ZNF44: variants seen among roughly 807,000 people sequenced by gnomAD.
ZNF44 encodes the protein zinc finger protein 44, also known as gonadotropin inducible transcription repressor-2.
A neutral mutation model predicts 11.7 loss-of-function variants in ZNF44; 9 were observed. That is an observed-to-expected ratio of 0.77 (90% confidence interval 0.46 to 1.35). The LOEUF (loss-of-function observed/expected upper bound fraction) is 1.35. ZNF44 is among the 40% of genes most tolerant of loss of function. ZNF44 has a pLI of 0.00. For missense variants in ZNF44, 696 were observed against 743.1 expected (o/e 0.94, Z 0.74); for synonymous variants, 224 against 242.7 (o/e 0.92, Z 0.72).
At chr19:12,277,679 C>T (rs1967291006) in intron 1 of ZNF44, among the ~76,000 whole-genome samples, 1 of 152,182 alleles carries the variant, frequency 6.6e-6, no homozygotes, top group South Asian at 2.1e-4. Flanking sequence ...TTTCTTTGGC[C>T]CCATCTCTGC....
chr19:12,265,438 T>C (rs1917692370), intron 5 of ZNF44, among the ~76,000 whole-genome samples: 1 of 152,140 alleles, frequency 6.6e-6, no homozygotes, highest in Non-Finnish European at 1.5e-5. Context: ...TTCCAGAAAT[T>C]CACCTTTCTT....
intron 5 of ZNF44, chr19:12,260,081 T>G: frequency 1.7e-6 from 1 of 577,466 alleles, no homozygotes; most frequent in Non-Finnish European, 3.3e-6. Flanking sequence ...AACTTCACTA[T>G]AAATACACAG....
chr19:12,242,335 CCT>C (rs1916645206), upstream of ZNF44, among the ~76,000 whole-genome samples: 1 of 151,350 alleles, frequency 6.6e-6, no homozygotes, highest in Non-Finnish European at 1.5e-5. Flanking sequence ...ACAGTGAAAC[CCT>C]GTCTCTACTA....
intron 5 of ZNF44, among the ~76,000 whole-genome samples, chr19:12,265,229 G>C (rs367617779): frequency 1.5e-4 from 23 of 151,958 alleles, no homozygotes; most frequent in African/African-American, 5.3e-4. Context: ...AACATAAAGA[G>C]GCACGCTCTC....
intron 5 of ZNF44, chr19:12,266,227 AG>A: frequency 1.1e-5 from 11 of 984,572 alleles, no homozygotes; most frequent in Non-Finnish European, 1.2e-5. Context: ...AGCCGGTCCC[AG>A]CCAGCCCCTC....
chr19:12,274,000 G>T lies in ZNF44; in HGVS notation c.255C>A (p.Ser85Arg), dbSNP rs1235719428. ...TGTTTACAATACTATTTCGAATCTG[G>T]CTTAAGGTTTCTCCACACTGACTAC... Reference protein sequence around the residue: ...KDGSQCGETLSQIRNSIVNKN... With the variant: ...KDGSQCGETLRQIRNSIVNKN... Residue 85 changes from serine to arginine, a missense_variant, in exon 4 of 4, where the codon AGC becomes AGA. By Grantham distance (110) the Ser-to-Arg change is moderately radical (BLOSUM62 -1). Coordinates refer to ENST00000355684, the MANE Select transcript of ZNF44 (RefSeq NM_016264.4). 6.2e-7 allele frequency: 1 copy of T among 1,613,834 alleles called. No homozygotes were observed. The highest frequency in any genetic ancestry group is 8.5e-7 in the Non-Finnish European group (1 of 1,179,904).
intron 5 of ZNF44, among the ~76,000 whole-genome samples, chr19:12,253,701 C>T (rs949642578): frequency 2.6e-5 from 4 of 151,912 alleles, no homozygotes; most frequent in African/African-American, 4.8e-5. Context: ...AAGGACAGGC[C>T]GAGTACAGTG....
At chr19:12,248,896 C>CTTT (rs372194020) in intron 7 of ZNF44, among the ~76,000 whole-genome samples, 1 of 138,642 alleles carries the variant, frequency 7.2e-6, no homozygotes, top group Non-Finnish European at 1.6e-5. Context: ...ATGGGTTTCT[C>CTTT]TTTTTTTTTT....
intron 5 of ZNF44, among the ~76,000 whole-genome samples, chr19:12,255,238 G>A (rs1337987082): frequency 6.6e-6 from 1 of 152,090 alleles, no homozygotes; most frequent in East Asian, 1.9e-4. Context: ...CTAAGCATGT[G>A]CTTTAGGAAA....
chr19:12,252,529 A>C (rs905836957), intron 5 of ZNF44, among the ~76,000 whole-genome samples: 1 of 152,224 alleles, frequency 6.6e-6, no homozygotes, highest in African/African-American at 2.4e-5. Context: ...GACAGATAAC[A>C]GGTTGTTCAA....
downstream of ZNF44, among the ~76,000 whole-genome samples, chr19:12,267,459 G>T (rs1039572766): frequency 6.6e-6 from 1 of 152,088 alleles, no homozygotes; most frequent in Non-Finnish European, 1.5e-5. Flanking sequence ...GAATAAAAAC[G>T]GAAGAAAAGG....
rs1231474138 is a variant in ZNF44, at chr19:12,273,487, C to T, written c.768G>A (p.Lys256=). 9 of 1,613,646 alleles carry T rather than the reference C, an allele frequency of 5.6e-6. No homozygotes were observed. The highest frequency in any genetic ancestry group is 6.8e-6 in the Non-Finnish European group (8 of 1,179,994). Residue 256 remains lysine (K), a synonymous_variant, in exon 4 of 4, where the codon AAG becomes AAA. Transcript: ENST00000355684. ...IHTGEKPYEC[K]QCSKAFPDYS... is the part of the protein sequence containing the mutation. The stretch of plus-strand genomic sequence containing the variant: ...AATCAGGGAAGGCTTTAGAACACTG[C>T]TTACATTCATACGGTTTCTCCCCAG...
intron 3 of ZNF44, among the ~76,000 whole-genome samples, chr19:12,230,000 G>A (rs952782229): frequency 1.3e-5 from 2 of 152,190 alleles, no homozygotes; most frequent in Non-Finnish European, 2.9e-5. Context: ...CAGAAAGCCT[G>A]AATATAGAGA....
chr19:12,278,005 G>A (rs1288079781), intron 1 of ZNF44, among the ~76,000 whole-genome samples: 2 of 152,192 alleles, frequency 1.3e-5, no homozygotes, highest in Admixed American at 6.5e-5. Context: ...TGTAATCCCA[G>A]TACTTTGGGA....
downstream of ZNF44, among the ~76,000 whole-genome samples, chr19:12,243,088 A>G (rs148872691): frequency 1.4e-3 from 219 of 152,356 alleles, 2 homozygotes; most frequent in East Asian, 0.027. Flanking sequence ...TTAACTGAAG[A>G]CTTCAACACT....
chr19:12,282,853 C>T lies in ZNF44; in HGVS notation c.4-6771G>A, dbSNP rs114205051. Among the ~76,000 whole-genome samples, 237 of 152,280 alleles carry T rather than the reference C, an allele frequency of 1.6e-3. 2 individuals are homozygous for T. The highest frequency in any genetic ancestry group is 5.5e-3 in the African/African-American group (230 of 41,558). ...CGTTATCTACTAACATCAAAAAAGA[C>T]ACTGATTTATTTCTGAATCATGTTT... is the stretch of plus-strand genomic sequence containing the variant. On this transcript the variant is annotated intron_variant, in intron 1 of 3. Coordinates refer to ENST00000355684, the MANE Select transcript of ZNF44 (RefSeq NM_016264.4).
Position 12,273,885 on chromosome 19 carries a change from C to T in ZNF44, c.370G>A (p.Val124Ile), listed in dbSNP as rs759885380. Residue 124 changes from valine to isoleucine, a missense_variant, in exon 4 of 4, where the codon GTT becomes ATT. By Grantham distance (29) the Val-to-Ile change is conservative. Coordinates refer to ENST00000355684, the MANE Select transcript of ZNF44 (RefSeq NM_016264.4). Reference sequence around the variant, plus strand: ...TCCCGGTGTTTGTGTCCAGTATCAACTCTGATGTAGCAATTCAGGGATGAA... The same window carrying T: ...TCCCGGTGTTTGTGTCCAGTATCAATTCTGATGTAGCAATTCAGGGATGAA... ...GHSSLNCYIR[V>I]DTGHKHRECH... The T allele has an allele frequency of 4.3e-6, 7 of 1,614,184 alleles. No individual in the cohort carries two copies. The highest frequency in any genetic ancestry group is 5.1e-6 in the Non-Finnish European group (6 of 1,180,020).
Position 12,272,359 on chromosome 19 carries a change from T to C in ZNF44, c.*48A>G. ...ATTCACAGGATTTATTTCTTTCAAG[T>C]ATCTGAATGTGATAAAACCAATGAA... On this transcript the variant is annotated 3_prime_UTR_variant, in exon 4 of 4. Transcript: ENST00000355684. 6.8e-7 allele frequency: 1 copy of C among 1,466,810 alleles called. No homozygotes were observed. Among genetic ancestry groups the C allele is most frequent in the Non-Finnish European group, 9.0e-7 (1 of 1,109,842 alleles). The allele number at this position is 1,466,810 out of a possible 1,614,324, so 90.9% of individuals were successfully genotyped here.
chr19:12,286,093 G>T (rs879476352), intron 1 of ZNF44, among the ~76,000 whole-genome samples: 1 of 152,142 alleles, frequency 6.6e-6, no homozygotes, highest in Non-Finnish European at 1.5e-5. Context: ...CATAGCCTCA[G>T]ATTTTAGCAT....
Sources: gnomAD v4.1 joint callset for allele counts (sites outside exome capture counted in the v4.1 genomes callset) on GRCh38, gnomAD v4.1.1 for gene constraint, MANE v1.5 for transcripts, NCBI Gene and HGNC (gene_info 2026-07-23, HGNC 2026-07-21) for gene names.